Variants in STK39 observed in about 807,000 individuals in gnomAD.
STK39 encodes serine/threonine kinase 39.
A neutral mutation model predicts 77.8 loss-of-function variants in STK39; 20 were observed. That is an observed-to-expected ratio of 0.26 (90% CI 0.18 to 0.37). STK39 has a LOEUF of 0.37. Ranked by LOEUF, STK39 falls within the 10% of genes least tolerant of loss-of-function variation. The pLI, the probability that STK39 is intolerant of heterozygous loss-of-function variation, is 1.00. For missense variants in STK39, 479 were observed against 656.5 expected (o/e 0.73, Z 2.95); for synonymous variants, 246 against 234.1 (o/e 1.05, Z -0.47).
chr2:168,078,864 C>A (rs1686151841), intron 10 of STK39, among the ~76,000 whole-genome samples: 1 of 152,026 alleles, frequency 6.6e-6, no homozygotes, highest in Non-Finnish European at 1.5e-5. Context: ...GGGAATCCTG[C>A]ACTCAGCCTC....
intron 1 of STK39, among the ~76,000 whole-genome samples, chr2:168,195,342 G>A (rs115266930): frequency 6.6e-6 from 1 of 152,304 alleles, no homozygotes; most frequent in South Asian, 2.1e-4. Context: ...TGAGGTTGCA[G>A]TGAGCCACGA....
intron 10 of STK39, among the ~76,000 whole-genome samples, chr2:168,111,393 T>C (rs1045376852): frequency 2.4e-4 from 36 of 152,342 alleles, no homozygotes; most frequent in Non-Finnish European, 4.4e-4. Context: ...CTCAGTTTTG[T>C]TAATCTGAAA....
intron 16 of STK39, among the ~76,000 whole-genome samples, chr2:167,982,540 C>G (rs1683447394): frequency 6.6e-6 from 1 of 152,074 alleles, no homozygotes; most frequent in African/African-American, 2.4e-5. Context: ...GCAAGAGGTG[C>G]CTTTTTATTC....
At chr2:168,236,621 T>A (rs1690617707) in intron 1 of STK39, among the ~76,000 whole-genome samples, 1 of 152,252 alleles carries the variant, frequency 6.6e-6, no homozygotes, top group Admixed American at 6.5e-5. Context: ...CTTGAATTAA[T>A]CGTATAAGGC....
chr2:168,064,661 GA>G (rs1685748776), intron 13 of STK39, among the ~76,000 whole-genome samples: 1 of 152,196 alleles, frequency 6.6e-6, no homozygotes, highest in African/African-American at 2.4e-5. Flanking sequence ...TTGAAAGAAA[GA>G]AAATTATGAT....
At position 168,017,004 on chromosome 2, in the gene STK39, C is replaced by T. The variant is rs976658069; in HGVS notation, c.1429+39G>A. The T allele has an allele frequency of 3.3e-6, 5 of 1,522,390 alleles. No individual in the cohort carries two copies. The South Asian group carries it at 4.8e-5, about 14-fold the overall frequency. The allele number at this position is 1,522,390 out of a possible 1,614,324, so 94.3% of individuals were successfully genotyped here. On this transcript the variant is annotated intron_variant, in intron 15 of 17. Coordinates refer to ENST00000355999, the MANE Select transcript of STK39 (RefSeq NM_013233.3). ...GCTTGTAATCAATTTCTGCAATGCT[C>T]TTTGAGGCAATAAAATAATAACTTC...
chr2:168,094,443 C>T (rs1686608633), intron 10 of STK39, among the ~76,000 whole-genome samples: 1 of 152,218 alleles, frequency 6.6e-6, no homozygotes, highest in Non-Finnish European at 1.5e-5. Flanking sequence ...TGTGTGTCTT[C>T]CTGCCCTTTA....
intron 16 of STK39, among the ~76,000 whole-genome samples, chr2:167,981,398 C>T (rs538208673): frequency 5.9e-4 from 90 of 152,340 alleles, no homozygotes; most frequent in African/African-American, 2.1e-3. Flanking sequence ...GCTCTTCCTA[C>T]TTCTCCCATT....
At chr2:168,004,844 C>A (rs1684086455) in intron 16 of STK39, among the ~76,000 whole-genome samples, 1 of 151,814 alleles carries the variant, frequency 6.6e-6, no homozygotes, top group Admixed American at 6.6e-5. Flanking sequence ...ACACTCTATG[C>A]CCAAAAGACA....
chr2:168,119,267 CT>C (rs1278759217), intron 10 of STK39, among the ~76,000 whole-genome samples: 1 of 152,080 alleles, frequency 6.6e-6, no homozygotes, highest in East Asian at 1.9e-4. Context: ...TCCACTTCTC[CT>C]TCACTGTTAT....
Position 168,247,313 on chromosome 2 carries a change from C to CGGG in STK39, c.122_123insCCC (p.Ala41_Ala42insPro). On this transcript the variant is annotated inframe_insertion, in exon 1 of 18. Coordinates refer to ENST00000355999, the MANE Select transcript of STK39 (RefSeq NM_013233.3). Reference sequence around the variant, plus strand: ...CCGGGGCCGGGGCCGGGGCCGGGGCCGCGGGAGCTGCCGGGGCCGGCGCTG... The same window carrying CGGG: ...CCGGGGCCGGGGCCGGGGCCGGGGCCGGGGCGGGAGCTGCCGGGGCCGGCGCTG... The CGGG allele has an allele frequency of 9.6e-7, 1 of 1,038,988 alleles. No individual in the cohort carries two copies. The highest frequency in any genetic ancestry group is 1.2e-6 in the Non-Finnish European group (1 of 862,606). The allele number at this position is 1,038,988 out of a possible 1,614,324, so 64.4% of individuals were successfully genotyped here.
chr2:167,988,109 C>A (rs896125633), intron 16 of STK39, among the ~76,000 whole-genome samples: 24 of 152,076 alleles, frequency 1.6e-4, no homozygotes, highest in Non-Finnish European at 2.8e-4. Context: ...AACCACAGTG[C>A]CTTCTGCCTC....
At chr2:168,182,125 T>C (rs201591858) in intron 1 of STK39, 35 bp from the exon 2 acceptor site, 4 of 1,551,620 alleles carry the variant, frequency 2.6e-6, no homozygotes, top group African/African-American at 1.4e-5. Flanking sequence ...AGCGATCAAA[T>C]GGCACACTGT....
At chr2:167,969,499 C>T (rs1193710497) in intron 16 of STK39, among the ~76,000 whole-genome samples, 3 of 152,164 alleles carry the variant, frequency 2.0e-5, no homozygotes, top group African/African-American at 7.2e-5. Context: ...TCCATAACTC[C>T]ATTCTCCTCC....
intron 1 of STK39, among the ~76,000 whole-genome samples, chr2:168,233,042 G>A (rs774586919): frequency 6.6e-6 from 1 of 152,080 alleles, no homozygotes; most frequent in African/African-American, 2.4e-5. Context: ...ATCAGAGATC[G>A]TCACTTTTTA....
chr2:167,999,897 T>C (rs1451513800), intron 16 of STK39, among the ~76,000 whole-genome samples: 1 of 152,248 alleles, frequency 6.6e-6, no homozygotes, highest in Non-Finnish European at 1.5e-5. Context: ...ACATAGGTAG[T>C]GCCCTGTGAC....
At chr2:168,129,447 C>T (rs1687624049) in intron 10 of STK39, 94 bp downstream of exon 10, 2 of 1,376,896 alleles carry the variant, frequency 1.5e-6, no homozygotes, top group Non-Finnish European at 2.0e-6. Flanking sequence ...AATAGTATAT[C>T]CTGCATATGT....
chr2:168,153,594 T>C (rs1398982593), intron 5 of STK39, among the ~76,000 whole-genome samples: 1 of 142,950 alleles, frequency 7.0e-6, no homozygotes, highest in African/African-American at 2.6e-5. Flanking sequence ...CGCTGATGTG[T>C]ACAATAAAGA....
chr2:168,123,087 G>A (rs989043190), intron 10 of STK39, among the ~76,000 whole-genome samples: 5 of 152,216 alleles, frequency 3.3e-5, no homozygotes, highest in African/African-American at 1.2e-4. Context: ...TCTGAGGTAT[G>A]TCTATCAAAG....
Sources: allele counts gnomAD v4.1 joint callset (sites outside exome capture counted in the v4.1 genomes callset), GRCh38; gene constraint gnomAD v4.1.1; transcripts MANE v1.5; gene names NCBI Gene and HGNC (gene_info 2026-07-23, HGNC 2026-07-21).